The following RNF17 variants were observed in gnomAD, a reference collection of about 807,000 sequenced individuals.
The protein encoded by RNF17 is spermatogenesis associated 23.
Under a neutral mutation model 200.5 loss-of-function variants are expected in RNF17, and 31 were observed. The observed-to-expected ratio is 0.15, with a 90% CI of 0.12 to 0.21. The LOEUF (loss-of-function observed/expected upper bound fraction) is 0.21. Among genes scored for constraint, RNF17 ranks in the 10% least tolerant of loss-of-function variants. The pLI is 1.00. For missense variants in RNF17, 1,628 were observed against 1,905.1 expected (o/e 0.85, Z 2.71); for synonymous variants, 606 against 637.8 (o/e 0.95, Z 0.75).
chr13:24,803,244 C>G (rs759686488), intron 14 of RNF17, among the ~76,000 whole-genome samples: 1 of 152,170 alleles, frequency 6.6e-6, no homozygotes, highest in Non-Finnish European at 1.5e-5. Flanking sequence ...GATCACTACC[C>G]TATATTCAAT....
chr13:24,858,876 A>G (rs1054886493), intron 25 of RNF17, 125 bp from the exon 26 acceptor site: 1 of 612,658 alleles, frequency 1.6e-6, no homozygotes, highest in Non-Finnish European at 2.8e-6. Flanking sequence ...ACACACACAG[A>G]TTTTTACAAA....
chr13:24,853,729 A>G (rs1484921831), intron 24 of RNF17, 126 bp from the exon 25 acceptor site: 5 of 662,828 alleles, frequency 7.5e-6, no homozygotes, highest in South Asian at 6.1e-5. Context: ...GCTAATTTTT[A>G]TGTAACAAAT....
chr13:24,844,923 G>C (rs370865699), intron 21 of RNF17, 38 bp from the exon 22 acceptor site: 1 of 1,556,286 alleles, frequency 6.4e-7, no homozygotes. Context: ...ATTTCGAAAT[G>C]TTGTTTGTCT....
chr13:24,866,354 A>G (rs1893622094), intron 30 of RNF17, 151 bp downstream of exon 30: 1 of 488,242 alleles, frequency 2.0e-6, no homozygotes, highest in African/African-American at 2.1e-5. Flanking sequence ...GTTGTTTAAT[A>G]TCGTTCACTG....
chr13:24,787,050 A>G (rs1212368821), intron 6 of RNF17, among the ~76,000 whole-genome samples: 3 of 151,992 alleles, frequency 2.0e-5, no homozygotes, highest in African/African-American at 7.3e-5. Context: ...TAATTGTCCT[A>G]TATTCAAGTT....
chr13:24,808,050 C>G (rs1268056556), intron 15 of RNF17, among the ~76,000 whole-genome samples: 3 of 151,034 alleles, frequency 2.0e-5, no homozygotes, highest in Non-Finnish European at 3.0e-5. Flanking sequence ...TTACTGTAGC[C>G]TTGTAGTATA....
chr13:24,749,598 A>G, the RNF17 span, among the ~76,000 whole-genome samples: 2 of 152,228 alleles, frequency 1.3e-5, no homozygotes, highest in African/African-American at 4.8e-5. Context: ...GCCTCATTTC[A>G]AAAGGAATAT....
Position 24,767,403 on chromosome 13 carries a change from A to G in RNF17, c.225+37A>G, listed in dbSNP as rs754153047. 7 of 1,313,934 alleles carry G rather than the reference A, an allele frequency of 5.3e-6. No homozygotes were observed. The African/African-American group carries it at 7.3e-5, about 14-fold the overall frequency. The allele number at this position is 1,313,934 out of a possible 1,614,324, so 81.4% of individuals were successfully genotyped here. On this transcript the variant is annotated intron_variant, in intron 2 of 35. Coordinates refer to ENST00000255324, the MANE Select transcript of RNF17 (RefSeq NM_031277.3). ...AATTTTTCAGATGAAACATATCACA[A>G]CCTAATGTTAATGGTAAAAATACTA... is the stretch of plus-strand genomic sequence containing the variant.
intron 32 of RNF17, among the ~76,000 whole-genome samples, chr13:24,872,452 C>G (rs910373776): frequency 3.9e-5 from 6 of 152,176 alleles, no homozygotes; most frequent in African/African-American, 1.4e-4. Context: ...TGCCATCACT[C>G]TGAAATCTAA....
chr13:24,781,715 A>G, intron 5 of RNF17, 129 bp from the exon 6 acceptor site: 1 of 614,418 alleles, frequency 1.6e-6, no homozygotes, highest in Non-Finnish European at 2.8e-6. Flanking sequence ...TTCTATTTAT[A>G]TTATTATCTC....
At chr13:24,816,324 A>G (rs550239679) in intron 15 of RNF17, among the ~76,000 whole-genome samples, 2 of 152,308 alleles carry the variant, frequency 1.3e-5, no homozygotes, top group South Asian at 4.1e-4. Flanking sequence ...TTTTAGGCCT[A>G]ACATAAGTTG....
At chr13:24,872,756 C>T (rs1894429613) in intron 32 of RNF17, among the ~76,000 whole-genome samples, 1 of 152,006 alleles carries the variant, frequency 6.6e-6, no homozygotes, top group African/African-American at 2.4e-5. Flanking sequence ...TGGAGCTGGG[C>T]TTTGAAAGAA....
rs904456939 is a variant in RNF17, at chr13:24,843,978, T to A, written c.2831+7T>A. ...CTGAAAACTTACTTAATAGGTATAA[T>A]ATATATATATAATATATAAGGAAAA... On this transcript the variant is annotated splice_region_variant and intron_variant, in intron 20 of 35. Coordinates refer to ENST00000255324, the MANE Select transcript of RNF17 (RefSeq NM_031277.3). The A allele has an allele frequency of 4.4e-6, 3 of 681,204 alleles. No homozygotes were observed. Among genetic ancestry groups the A allele is most frequent in the Non-Finnish European group, 6.5e-6 (3 of 459,652 alleles). 42.2% of individuals were successfully genotyped at this position (681,204 alleles called of 1,614,324 possible). A position where few individuals can be genotyped will look rare whatever the true frequency, so the allele number is the denominator to read the frequency against.
At position 24,806,392 on chromosome 13, in the gene RNF17, C is replaced by T. The variant is rs996855933; in HGVS notation, c.2091+1963C>T. ...GGGTATATACCCAGTAATGGGATTG[C>T]TGGGTCAAATGGATTTCTGGTTCTA... On this transcript the variant is annotated intron_variant, in intron 15 of 35. Coordinates refer to ENST00000255324, the MANE Select transcript of RNF17 (RefSeq NM_031277.3). Among the ~76,000 whole-genome samples, 9 of 152,220 alleles carry T rather than the reference C, an allele frequency of 5.9e-5. No individual in the cohort carries two copies. In the South Asian group the frequency reaches 1.0e-3, roughly 18 times the overall value.
chr13:24,758,904 C>T, the RNF17 span, among the ~76,000 whole-genome samples: 1 of 151,600 alleles, frequency 6.6e-6, no homozygotes, highest in African/African-American at 2.4e-5. Context: ...CGTGAAACCC[C>T]GTCTCTATTA....
intron 25 of RNF17, among the ~76,000 whole-genome samples, chr13:24,857,477 A>T (rs962619855): frequency 1.1e-4 from 17 of 152,116 alleles, no homozygotes; most frequent in African/African-American, 4.1e-4. Context: ...GACTAGCATA[A>T]ATTAACCTGC....
At chr13:24,790,877 A>G (rs1883759723) in intron 9 of RNF17, among the ~76,000 whole-genome samples, 1 of 152,222 alleles carries the variant, frequency 6.6e-6, no homozygotes, top group Non-Finnish European at 1.5e-5. Context: ...GTAAGGCACA[A>G]ATCCATTCAT....
chr13:24,785,178 G>A (rs1007566844), intron 6 of RNF17, among the ~76,000 whole-genome samples: 5 of 135,630 alleles, frequency 3.7e-5, no homozygotes, highest in Admixed American at 7.7e-5. Context: ...TCGTTAGGTT[G>A]TTCATTTGCG....
chr13:24,862,678 G>A (rs772833259), intron 27 of RNF17, 35 bp from the exon 28 acceptor site: 3 of 1,326,678 alleles, frequency 2.3e-6, no homozygotes, highest in Non-Finnish European at 3.3e-6. Context: ...TTTTATGAAA[G>A]CATAAAAGAA....
Sources: allele counts gnomAD v4.1 joint callset (sites outside exome capture counted in the v4.1 genomes callset), GRCh38; gene constraint gnomAD v4.1.1; transcripts MANE v1.5; gene names NCBI Gene and HGNC (gene_info 2026-07-23, HGNC 2026-07-21).